The following RAP1GAP2 variants were observed in gnomAD, a reference collection of about 807,000 sequenced individuals.
The protein encoded by RAP1GAP2 is rap1 GTPase-activating protein 2.
A neutral mutation model predicts 95.0 loss-of-function variants in RAP1GAP2; 27 were observed. The ratio of observed to expected loss-of-function variants is 0.28; its 90% CI spans 0.21 to 0.39. The LOEUF is 0.39. Ranked by LOEUF, RAP1GAP2 falls within the 10% of genes least tolerant of loss-of-function variation. The probability of loss-of-function intolerance (pLI) is 1.00; values close to 1 mark genes in which losing one functional copy is unlikely to be tolerated. For missense variants in RAP1GAP2, 771 were observed against 970.0 expected, an observed-to-expected ratio of 0.79 and a Z score of 2.72; for synonymous variants, 373 against 380.9, an observed-to-expected ratio of 0.98 and a Z score of 0.24.
chr17:2,977,043 A>G (rs1205405847), intron 8 of RAP1GAP2, among the ~76,000 whole-genome samples: 1 of 151,672 alleles, frequency 6.6e-6, no homozygotes, highest in African/African-American at 2.4e-5. Flanking sequence ...AGGCGGAGGC[A>G]GGAGAATCAC....
intron 2 of RAP1GAP2, among the ~76,000 whole-genome samples, chr17:2,771,494 T>TTTTG (rs1555540021): frequency 3.9e-4 from 58 of 148,622 alleles, no homozygotes; most frequent in African/African-American, 1.4e-3. Flanking sequence ...TTGTTTTTTT[T>TTTTG]TTTTGTTTTT....
At chr17:2,833,224 C>T (rs547554686) in intron 2 of RAP1GAP2, among the ~76,000 whole-genome samples, 5 of 150,222 alleles carry the variant, frequency 3.3e-5, no homozygotes, top group Admixed American at 2.7e-4. Flanking sequence ...TTCACTGCAA[C>T]CTCTGCCTCC....
chr17:2,916,172 C>T (rs995871033), intron 3 of RAP1GAP2, among the ~76,000 whole-genome samples: 6 of 152,122 alleles, frequency 3.9e-5, no homozygotes, highest in African/African-American at 1.4e-4. Context: ...GTGCCTTAGT[C>T]AAAACTCTGC....
At chr17:3,016,599 C>T (rs564888562) in intron 17 of RAP1GAP2, among the ~76,000 whole-genome samples, 1 of 152,350 alleles carries the variant, frequency 6.6e-6, no homozygotes, top group African/African-American at 2.4e-5. Flanking sequence ...CCATGTCCTA[C>T]ACATCTCGAC....
At chr17:2,844,082 T>A (rs1360113546) in intron 2 of RAP1GAP2, among the ~76,000 whole-genome samples, 1 of 151,840 alleles carries the variant, frequency 6.6e-6, no homozygotes. Flanking sequence ...GTGCAGTGGC[T>A]CGATCTCGGC....
intron 1 of RAP1GAP2, among the ~76,000 whole-genome samples, chr17:2,760,494 C>T (rs1460646763): frequency 6.6e-6 from 1 of 150,840 alleles, no homozygotes; most frequent in African/African-American, 2.4e-5. Flanking sequence ...GTGTGTGCCA[C>T]CACACCCGGC....
intron 2 of RAP1GAP2, among the ~76,000 whole-genome samples, chr17:2,895,849 A>T (rs899477131): frequency 1.3e-5 from 2 of 151,944 alleles, no homozygotes; most frequent in Non-Finnish European, 2.9e-5. Flanking sequence ...AAGTGCTGGG[A>T]TTACATCTGT....
chr17:2,968,673 T>C (rs946109938), intron 8 of RAP1GAP2, among the ~76,000 whole-genome samples: 3 of 152,086 alleles, frequency 2.0e-5, no homozygotes, highest in Admixed American at 1.3e-4. Flanking sequence ...TAAAGAAATA[T>C]GATAGAAGTG....
intron 12 of RAP1GAP2, among the ~76,000 whole-genome samples, chr17:2,994,306 C>G (rs1258734058): frequency 6.6e-6 from 1 of 152,172 alleles, no homozygotes; most frequent in African/African-American, 2.4e-5. Flanking sequence ...TGCTGAGATT[C>G]TAGGTCCATC....
intron 2 of RAP1GAP2, among the ~76,000 whole-genome samples, chr17:2,876,886 CTT>C (rs34517318): frequency 6.0e-4 from 76 of 127,498 alleles, no homozygotes; most frequent in African/African-American, 2.2e-3. Context: ...GGTTTACGTT[CTT>C]TTTTTTTTTT....
intron 3 of RAP1GAP2, among the ~76,000 whole-genome samples, chr17:2,927,595 C>T (rs1231644481): frequency 6.6e-6 from 1 of 152,214 alleles, no homozygotes; most frequent in African/African-American, 2.4e-5. Flanking sequence ...TAATTCTAGC[C>T]ACAACCTGAA....
chr17:2,770,087 A>AAAG (rs1457741641), intron 1 of RAP1GAP2, among the ~76,000 whole-genome samples: 1 of 150,528 alleles, frequency 6.6e-6, no homozygotes, highest in African/African-American at 2.5e-5. Context: ...CAAAAAAAAA[A>AAAG]AAAAAAAGAA....
chr17:2,939,703 G>A (rs959881114), intron 3 of RAP1GAP2, among the ~76,000 whole-genome samples: 2 of 152,190 alleles, frequency 1.3e-5, no homozygotes, highest in Non-Finnish European at 2.9e-5. Context: ...ATGGAGGGGG[G>A]AGGCTTCTCA....
At chr17:2,959,612 C>T (rs531462346) in intron 4 of RAP1GAP2, among the ~76,000 whole-genome samples, 7 of 152,290 alleles carry the variant, frequency 4.6e-5, no homozygotes, top group African/African-American at 7.2e-5. Context: ...GTGAAGCGCC[C>T]GGGTCACTTA....
intron 14 of RAP1GAP2, among the ~76,000 whole-genome samples, chr17:3,000,382 A>G (rs567874587): frequency 1.1e-3 from 168 of 151,454 alleles, no homozygotes; most frequent in East Asian, 1.6e-3. Flanking sequence ...CCAGGCTGGA[A>G]TGGGGCTCGT....
intron 17 of RAP1GAP2, among the ~76,000 whole-genome samples, chr17:3,015,235 G>T (rs1490811723): frequency 1.3e-5 from 2 of 152,268 alleles, no homozygotes; most frequent in Admixed American, 1.3e-4. Context: ...CCCTCCAGGG[G>T]CATCTTTGAC....
chr17:2,771,414 C>T (rs2068390859), intron 2 of RAP1GAP2, among the ~76,000 whole-genome samples: 1 of 151,992 alleles, frequency 6.6e-6, no homozygotes, highest in Non-Finnish European at 1.5e-5. Context: ...GCAGCCACAG[C>T]GCTTCCCAAG....
At position 2,855,636 on chromosome 17, in the gene RAP1GAP2, G is replaced by T. The variant is rs2072101461; in HGVS notation, c.81-49648G>T. On this transcript the variant is annotated intron_variant, in intron 2 of 24. Transcript: ENST00000254695. The surrounding 1 kb of genome is among the most constrained non-coding windows in gnomAD (Gnocchi z 4.3). ...TATTTATTTATTTATTTTTGAGGAG[G>T]AGTCTCACTCTGTTAGCCCAAGCTG... Among the ~76,000 whole-genome samples, 1 of 151,954 alleles carries T rather than the reference G, an allele frequency of 6.6e-6. No individual in the cohort carries two copies. Among genetic ancestry groups the T allele is most frequent in the Non-Finnish European group, 1.5e-5 (1 of 68,024 alleles).
In RAP1GAP2 at chr17:2,825,723, G is replaced by A. The variant is rs534405374; in HGVS notation, c.80+25173G>A. Among the ~76,000 whole-genome samples the A allele has an allele frequency of 6.6e-5, 10 of 152,252 alleles. No individual in the cohort carries two copies. The South Asian group carries it at 1.5e-3, about 22-fold the overall frequency. ...GGTGCTTGGCGCAGAGTTAGTGCTC[G>A]TGACTGCAGCTGTTACTGAAGACAG... On this transcript the variant is annotated intron_variant, in intron 2 of 24. Transcript: ENST00000254695. The surrounding 1 kb of genome is among the most constrained non-coding windows in gnomAD (Gnocchi z 4.1).
Sources: gnomAD v4.1 joint callset for allele counts (sites outside exome capture counted in the v4.1 genomes callset) on GRCh38, gnomAD v4.1.1 for gene constraint, Gnocchi (gnomAD v3.1) non-coding constraint, MANE v1.5 for transcripts, NCBI Gene and HGNC (gene_info 2026-07-23, HGNC 2026-07-21) for gene names.